Variants in KATNA1 observed in about 807,000 individuals in gnomAD.
KATNA1 encodes katanin p60 ATPase-containing subunit A1.
Under a neutral mutation model 62.6 loss-of-function variants are expected in KATNA1, and 42 were observed. The observed-to-expected ratio is 0.67, with a 90% CI of 0.52 to 0.87. The LOEUF is 0.87. KATNA1 is among the 40% of genes least tolerant of loss of function. KATNA1 has a pLI of 0.00. For synonymous variants in KATNA1, 186 were observed against 201.9 expected (o/e 0.92, Z 0.67); for missense variants, 498 against 612.5 (o/e 0.81, Z 1.97).
At chr6:149,636,411 AAAAT>A (rs1260693050) in intron 2 of KATNA1, among the ~76,000 whole-genome samples, 1 of 151,942 alleles carries the variant, frequency 6.6e-6, no homozygotes. Flanking sequence ...ATGTCTGTAA[AAAAT>A]AAATAAATAA....
chr6:149,603,582 G>C (rs1057261771), intron 5 of KATNA1, among the ~76,000 whole-genome samples: 1 of 152,088 alleles, frequency 6.6e-6, no homozygotes, highest in Non-Finnish European at 1.5e-5. Flanking sequence ...AGTTATTGGC[G>C]GTTGACAGTT....
In KATNA1 at chr6:149,595,203, T is replaced by C. The variant is rs1353287293; in HGVS notation, c.1309A>G (p.Ile437Val). Residue 437 changes from isoleucine to valine, a missense_variant, in exon 11 of 11, where the codon ATT (isoleucine) becomes GTT (valine). Around this residue, in one of 3 missense-constraint regions of KATNA1, gnomAD observed 267 missense variants for 372.6 expected, o/e 0.72. Coordinates refer to ENST00000367411, the MANE Select transcript of KATNA1 (RefSeq NM_007044.4). The part of the protein sequence containing the change: ...DASLMAMRRR[I>V]EGLTPEEIRN... ...ATTTCCTCTGGAGTCAAACCTTCAATGCGCCTTCTCATTGCCATCAAGGAC... is the reference window on the plus strand; with the variant it reads ...ATTTCCTCTGGAGTCAAACCTTCAACGCGCCTTCTCATTGCCATCAAGGAC... 4 of 1,614,034 alleles carry C rather than the reference T, an allele frequency of 2.5e-6. No homozygotes were observed. In the Admixed American group the frequency reaches 5.0e-5, roughly 20 times the overall value.
At chr6:149,642,433 C>G (rs1780329408) in intron 1 of KATNA1, among the ~76,000 whole-genome samples, 1 of 152,158 alleles carries the variant, frequency 6.6e-6, no homozygotes, top group African/African-American at 2.4e-5. Flanking sequence ...CAATCCCACT[C>G]TTGTGTAAAT....
At chr6:149,643,424 A>C (rs1780362853) in intron 1 of KATNA1, among the ~76,000 whole-genome samples, 1 of 152,234 alleles carries the variant, frequency 6.6e-6, no homozygotes, top group East Asian at 1.9e-4. Context: ...ATCTGTTATG[A>C]AGCAATATAG....
chr6:149,643,352 C>A (rs755225364), intron 1 of KATNA1, among the ~76,000 whole-genome samples: 24 of 152,230 alleles, frequency 1.6e-4, no homozygotes, highest in Non-Finnish European at 2.9e-4. Context: ...AATTCCTGAC[C>A]CAGTGAAACA....
intron 10 of KATNA1, among the ~76,000 whole-genome samples, chr6:149,595,638 G>T (rs1173648535): frequency 1.3e-5 from 2 of 151,194 alleles, no homozygotes; most frequent in Non-Finnish European, 2.9e-5. Flanking sequence ...TAAGTTCAGG[G>T]TTTCTCCTTT....
Position 149,613,205 on chromosome 6 carries a change from A to C in KATNA1, c.502-8423T>G, listed in dbSNP as rs1433834444. Among the ~76,000 whole-genome samples the C allele has an allele frequency of 3.5e-3, 491 of 140,848 alleles. 13 individuals are homozygous for C. Among genetic ancestry groups the C allele is most frequent in the African/African-American group, 0.013 (471 of 36,080 alleles). 92.4% of individuals were successfully genotyped at this position (140,848 alleles called of 152,430 possible). On this transcript the variant is annotated intron_variant, in intron 4 of 10. Coordinates refer to ENST00000367411, the MANE Select transcript of KATNA1 (RefSeq NM_007044.4). ...AAAAAAAAAAAAAAAAAAAAAAAAAAAAAAAAAAAAAAGAACATCTACAAA... is the reference window on the plus strand; with the variant it reads ...AAAAAAAAAAAAAAAAAAAAAAAAACAAAAAAAAAAAAGAACATCTACAAA...
intron 4 of KATNA1, among the ~76,000 whole-genome samples, chr6:149,618,304 C>T (rs1779259452): frequency 6.6e-6 from 1 of 151,456 alleles, no homozygotes; most frequent in Admixed American, 6.6e-5. Flanking sequence ...ATGGTGAAAC[C>T]CCGTCTCTAC....
At chr6:149,633,892 G>A (rs923142224) in intron 2 of KATNA1, among the ~76,000 whole-genome samples, 1 of 152,084 alleles carries the variant, frequency 6.6e-6, no homozygotes, top group Non-Finnish European at 1.5e-5. Flanking sequence ...GGAGGCGGAG[G>A]TTGCGGCAAG....
At chr6:149,640,467 A>G (rs1011450922) in intron 1 of KATNA1, among the ~76,000 whole-genome samples, 1 of 152,104 alleles carries the variant, frequency 6.6e-6, no homozygotes, top group African/African-American at 2.4e-5. Context: ...GTGTCTCAAG[A>G]AAACATTAAA....
At chr6:149,606,308 T>C (rs769288090) in intron 4 of KATNA1, among the ~76,000 whole-genome samples, 3 of 152,180 alleles carry the variant, frequency 2.0e-5, no homozygotes, top group Non-Finnish European at 2.9e-5. Context: ...AGATGCTATA[T>C]AAAAATTACT....
chr6:149,638,324 G>C (rs944832819), intron 2 of KATNA1, 62 bp downstream of exon 2: 8 of 1,457,236 alleles, frequency 5.5e-6, no homozygotes, highest in Non-Finnish European at 7.6e-6. Flanking sequence ...ATTGACATCT[G>C]ATCTAAATTT....
chr6:149,602,472 A>T (rs1287200872), intron 6 of KATNA1, among the ~76,000 whole-genome samples: 2 of 152,180 alleles, frequency 1.3e-5, no homozygotes, highest in Admixed American at 1.3e-4. Flanking sequence ...AACTATTCAT[A>T]CATGCAGAGT....
intron 4 of KATNA1, among the ~76,000 whole-genome samples, chr6:149,614,724 C>T (rs958036823): frequency 3.9e-5 from 6 of 152,200 alleles, no homozygotes; most frequent in South Asian, 2.1e-4. Context: ...CAAGTAGCTA[C>T]GATCCTGCCA....
rs1779474046 is a variant in KATNA1, at chr6:149,623,195, G to A, written c.409C>T (p.His137Tyr). The A allele has an allele frequency of 6.2e-7, 1 of 1,613,640 alleles. No homozygotes were observed. The highest frequency in any genetic ancestry group is 1.1e-5 in the South Asian group (1 of 91,028). ...GNRPSTTVRVHRSSAQNVHND... is the reference protein window; with the variant it reads ...GNRPSTTVRVYRSSAQNVHND... ...TGAACATTCTGTGCAGATGAACGGT[G>A]AACTCTGACAGTTGTACTTGGACGA... Residue 137 changes from histidine to tyrosine, a missense_variant, in exon 4 of 11, where the codon CAC (histidine) becomes TAC (tyrosine). Around this residue, in one of 3 missense-constraint regions of KATNA1, gnomAD observed 203 missense variants for 198.4 expected, o/e 1.02. Transcript: ENST00000367411.
intron 4 of KATNA1, among the ~76,000 whole-genome samples, chr6:149,617,859 CTGAGAGGTGGAGGTTGCAG>C (rs965422553): frequency 1.3e-4 from 19 of 151,696 alleles, no homozygotes; most frequent in Admixed American, 1.3e-4. Flanking sequence ...TCGCTTGAAC[CTGAGAGGTGGAGGTTGCAG>C]TGAGCCAAGA....
At chr6:149,633,068 AAC>A (rs1779911613) in intron 2 of KATNA1, 152 bp from the exon 3 acceptor site, 3 of 567,620 alleles carry the variant, frequency 5.3e-6, no homozygotes, top group Non-Finnish European at 2.9e-6. Context: ...AAATGTTAAT[AAC>A]AGTTTATTAA....
chr6:149,604,840 G>A (rs773074008), intron 4 of KATNA1, 58 bp from the exon 5 acceptor site: 9 of 1,541,664 alleles, frequency 5.8e-6, no homozygotes, highest in East Asian at 2.2e-5. Flanking sequence ...TCTGTGAGTC[G>A]GAAACACAGA....
intron 1 of KATNA1, among the ~76,000 whole-genome samples, chr6:149,639,375 T>G (rs1448431528): frequency 6.6e-6 from 1 of 151,080 alleles, no homozygotes; most frequent in Non-Finnish European, 1.5e-5. Flanking sequence ...CTGAGGTGGG[T>G]GGATCACGAG....
Sources: allele counts gnomAD v4.1 joint callset (sites outside exome capture counted in the v4.1 genomes callset), GRCh38; gene constraint gnomAD v4.1.1; regional missense constraint gnomAD v4.1.1; transcripts MANE v1.5; gene names NCBI Gene and HGNC (gene_info 2026-07-23, HGNC 2026-07-21).